The following ZNF74 variants were observed in gnomAD, a reference collection of about 807,000 sequenced individuals.
ZNF74 encodes the protein zinc finger protein 520.
Under a neutral mutation model 17.7 loss-of-function variants are expected in ZNF74, and 12 were observed. The observed-to-expected ratio is 0.68, with a 90% CI of 0.43 to 1.10. The LOEUF (loss-of-function observed/expected upper bound fraction) is 1.10, where lower values mean the gene tolerates loss of function less well. Among genes scored for constraint, ZNF74 ranks in the 50% least tolerant of loss-of-function variants. The pLI is 0.00. For synonymous variants in ZNF74, 358 were observed against 362.1 expected (o/e 0.99, Z 0.13); for missense variants, 811 against 881.0 (o/e 0.92, Z 1.01).
chr22:20,398,951 T>C (rs192819352), intron 2 of ZNF74, among the ~76,000 whole-genome samples: 8 of 152,360 alleles, frequency 5.3e-5, no homozygotes, highest in Admixed American at 1.3e-4. Context: ...ATGTGTTGTT[T>C]CATTTCCTAA....
rs960959181 is a variant in ZNF74 at position 20,406,148 on chromosome 22, G to A, written c.1115G>A (p.Arg372His). 1.2e-6 allele frequency: 2 copies of A among 1,604,548 alleles called. No individual in the cohort carries two copies. Among genetic ancestry groups the A allele is most frequent in the South Asian group, 2.2e-5 (2 of 90,706 alleles). The change falls in exon 5 of 5, where the codon CGT becomes CAT. Residue 372 changes from arginine to histidine, a missense_variant. By Grantham distance (29) the Arg-to-His change is conservative. This residue lies in a region of ZNF74 where 666 missense variants were observed against 702.3 expected (regional missense o/e 0.95). Coordinates refer to ENST00000400451, the MANE Select transcript of ZNF74 (RefSeq NM_003426.4). ...GAGTGCGGCAAGGCCTTCAACCAGC[G>A]TACACACCTCACACGCCACCACCGC... is the stretch of plus-strand genomic sequence containing the variant. ...CGECGKAFNQ[R>H]THLTRHHRIH...
chr22:20,402,334 A>G (rs951431868), intron 4 of ZNF74, among the ~76,000 whole-genome samples: 2 of 152,178 alleles, frequency 1.3e-5, no homozygotes, highest in Non-Finnish European at 2.9e-5. Flanking sequence ...TAACAAGATT[A>G]CAGGTTTCAA....
intron 2 of ZNF74, among the ~76,000 whole-genome samples, chr22:20,396,513 A>AG (rs1252598827): frequency 6.6e-6 from 1 of 152,032 alleles, no homozygotes; most frequent in Admixed American, 6.5e-5. Context: ...TACAAGCTGA[A>AG]GACTGTAGAG....
intron 4 of ZNF74, among the ~76,000 whole-genome samples, chr22:20,403,752 G>A (rs147512182): frequency 6.6e-6 from 1 of 152,152 alleles, no homozygotes; most frequent in Non-Finnish European, 1.5e-5. Context: ...CTGGACAACA[G>A]AGCGAGACTG....
chr22:20,405,579 G>A lies in ZNF74; in HGVS notation c.546G>A (p.Arg182=), dbSNP rs755644353. Residue 182 remains arginine (R), a synonymous_variant, in exon 5 of 5, where the codon AGG becomes AGA. Coordinates refer to ENST00000400451, the MANE Select transcript of ZNF74 (RefSeq NM_003426.4). ...TCCCTGTAGAGGAATTCCCCCTCAG[G>A]TGTCCCCTCTTCGCCCAGCAACGCG... ...WDVPVEEFPL[R]CPLFAQQRVP... The A allele has an allele frequency of 5.0e-6, 8 of 1,612,234 alleles. No individual in the cohort carries two copies. The highest frequency in any genetic ancestry group is 1.3e-5 in the African/African-American group (1 of 75,008).
At chr22:20,399,651 A>G (rs1365232837) in intron 2 of ZNF74, 2 of 352,864 alleles carry the variant, frequency 5.7e-6, no homozygotes, top group Non-Finnish European at 1.1e-5. Flanking sequence ...GCTCACTGCA[A>G]CCTCCACCTC....
In ZNF74 at chr22:20,401,726, G is replaced by A. The variant is rs944098747; in HGVS notation, c.343+354G>A. Among the ~76,000 whole-genome samples the A allele has an allele frequency of 2.0e-5, 3 of 152,202 alleles. No individual in the cohort carries two copies. Among genetic ancestry groups the A allele is most frequent in the Admixed American group, 1.3e-4 (2 of 15,274 alleles). ...GGGAAGGGGCAGCTGGCGTTGGTCA[G>A]TGTCAGGGTCAGCATGAGCATCAGC... On this transcript the variant is annotated intron_variant, in intron 4 of 4. Transcript: ENST00000400451. The surrounding 1 kb of genome is among the most constrained non-coding windows in gnomAD (Gnocchi z 4.2).
At position 20,406,824 on chromosome 22, in the gene ZNF74, C is replaced by G; in HGVS notation, c.1791C>G (p.Tyr597Ter). 1.2e-6 allele frequency: 2 copies of G among 1,614,068 alleles called. No homozygotes were observed. The highest frequency in any genetic ancestry group is 1.7e-6 in the Non-Finnish European group (2 of 1,180,016). ...QFNKHLLSTY[Y>*]VPGSLLGAGD... Reference sequence around the variant, plus strand: ...ACAAACACCTGCTCAGCACATACTACGTGCCTGGCAGCCTGCTGGGTGCAG... The same window carrying G: ...ACAAACACCTGCTCAGCACATACTAGGTGCCTGGCAGCCTGCTGGGTGCAG... The change falls in exon 5 of 5, where the codon TAC becomes TAG. Residue 597 changes from tyrosine (Y) to a stop codon, truncating the protein, a stop_gained. Transcript: ENST00000400451. LOFTEE classifies it low-confidence loss of function (END_TRUNC).
chr22:20,398,396 A>G (rs900602373), intron 2 of ZNF74, among the ~76,000 whole-genome samples: 1 of 151,252 alleles, frequency 6.6e-6, no homozygotes, highest in African/African-American at 2.4e-5. Flanking sequence ...AGGGGTATAC[A>G]TTTCATCCCA....
chr22:20,400,902 T>C (rs1014931599), intron 3 of ZNF74, 144 bp downstream of exon 3: 545 of 1,034,092 alleles, frequency 5.3e-4, no homozygotes, highest in Non-Finnish European at 3.0e-4. Flanking sequence ...GGGGCACTCA[T>C]GGCCAGGGGC....
rs558524515 is a variant in ZNF74 at position 20,397,662 on chromosome 22, G to A, written c.120+2244G>A. On this transcript the variant is annotated intron_variant, in intron 2 of 4. Transcript: ENST00000400451. ...CTCTGCTTTATTTCGCTTAGCATAT[G>A]CTTTTGAGTTTATCCATATTGTTGT... Among the ~76,000 whole-genome samples, 43 of 152,308 alleles carry A rather than the reference G, an allele frequency of 2.8e-4. 1 individual carries two copies. The South Asian group carries it at 8.9e-3, about 32-fold the overall frequency.
At position 20,406,883 on chromosome 22, in the gene ZNF74, A is replaced by C; in HGVS notation, c.1850A>C (p.Asp617Ala). The change falls in exon 5 of 5, where the codon GAC (aspartate) becomes GCC (alanine). Residue 617 changes from aspartate to alanine, a missense_variant. Around this residue, in one of 3 missense-constraint regions of ZNF74, gnomAD observed 115 missense variants for 119.5 expected, o/e 0.96. Transcript: ENST00000400451. ...GGACTGAGGGACGTGGATCCCATCG[A>C]CGCGCTGGATGTGGCAAAGCTCTTG... Reference protein sequence around the residue: ...DAGLRDVDPIDALDVAKLLCV... With the variant: ...DAGLRDVDPIAALDVAKLLCV... 6.2e-7 allele frequency: 1 copy of C among 1,614,018 alleles called. No individual in the cohort carries two copies. The highest frequency in any genetic ancestry group is 8.5e-7 in the Non-Finnish European group (1 of 1,180,030).
At chr22:20,396,950 G>A (rs943564437) in intron 2 of ZNF74, among the ~76,000 whole-genome samples, 4 of 152,162 alleles carry the variant, frequency 2.6e-5, no homozygotes, top group South Asian at 2.1e-4. Flanking sequence ...AGGCCTGTGC[G>A]GGCCTCAGAC....
In ZNF74 at chr22:20,394,380, GCGC is replaced by G. The variant is rs1163698214; in HGVS notation, c.-246_-244del. The G allele has an allele frequency of 5.9e-6, 4 of 675,630 alleles. No homozygotes were observed. The Admixed American group carries it at 8.6e-5, about 14-fold the overall frequency. 41.9% of individuals were successfully genotyped at this position (675,630 alleles called of 1,614,324 possible). A position where few individuals can be genotyped will look rare whatever the true frequency, so the allele number is the denominator to read the frequency against. ...GGCGGGGGTGTGCCGGGGCGTGAGT[GCGC>G]CGAGCATGGGGCTGAGCCTGGTGTG... On this transcript the variant is annotated 5_prime_UTR_variant, in exon 1 of 5. Transcript: ENST00000400451.
Position 20,406,307 on chromosome 22 carries a change from T to C in ZNF74, c.1274T>C (p.Phe425Ser). Reference protein sequence around the residue: ...PFKCSDCEKAFNSRSRLTLHQ... With the variant: ...PFKCSDCEKASNSRSRLTLHQ... ...AAGTGCAGCGACTGCGAGAAGGCCT[T>C]CAACAGCCGCTCGCGCCTCACCCTC... The change falls in exon 5 of 5, where the codon TTC (phenylalanine) becomes TCC (serine). Residue 425 changes from phenylalanine to serine, a missense_variant. By Grantham distance (155) the Phe-to-Ser change is radical. Around this residue, in one of 3 missense-constraint regions of ZNF74, gnomAD observed 666 missense variants for 702.3 expected, o/e 0.95. Transcript: ENST00000400451. 6.2e-7 allele frequency: 1 copy of C among 1,611,962 alleles called. No homozygotes were observed.
rs1049472367 is a variant in ZNF74, at chr22:20,405,927, C to T, written c.894C>T (p.His298=). ...ACCTTCTGGAGCACCGGCGCATCCA[C>T]ACCGGCGAGAAGCCCTTCTTCTGCG... is the stretch of plus-strand genomic sequence containing the variant. The part of the protein sequence containing the change: ...STNLLEHRRI[H]TGEKPFFCGE... Residue 298 remains histidine (H), a synonymous_variant, in exon 5 of 5, where the codon CAC becomes CAT. Transcript: ENST00000400451. 2 of 1,613,848 alleles carry T rather than the reference C, an allele frequency of 1.2e-6. No individual in the cohort carries two copies. The highest frequency in any genetic ancestry group is 1.6e-4 in the Middle Eastern group (1 of 6,084).
At position 20,405,785 on chromosome 22, in the gene ZNF74, G is replaced by C; in HGVS notation, c.752G>C (p.Gly251Ala). 1.9e-6 allele frequency: 3 copies of C among 1,611,016 alleles called. No homozygotes were observed. Among genetic ancestry groups the C allele is most frequent in the Non-Finnish European group, 2.5e-6 (3 of 1,179,036 alleles). ...GCCGGGGAGGGCGAGTTCGTGTGCG[G>C]CGAGTGCGGGAAGGCGTTCCGCCAG... The part of the protein sequence containing the change: ...AGAGEGEFVC[G>A]ECGKAFRQSS... The change falls in exon 5 of 5, where the codon GGC (glycine) becomes GCC (alanine). Residue 251 changes from glycine to alanine, a missense_variant. Around this residue, in one of 3 missense-constraint regions of ZNF74, gnomAD observed 666 missense variants for 702.3 expected, o/e 0.95. Transcript: ENST00000400451.
intron 2 of ZNF74, among the ~76,000 whole-genome samples, chr22:20,398,981 A>T (rs361613): frequency 0.62 from 94,317 of 152,070 alleles, 30,958 homozygotes; most frequent in East Asian, 0.88. Context: ...CATTTTCCAG[A>T]TAACTTTCTA....
chr22:20,400,601 G>C, intron 2 of ZNF74, 31 bp from the exon 3 acceptor site: 1 of 1,613,946 alleles, frequency 6.2e-7, no homozygotes, highest in Non-Finnish European at 8.5e-7. Context: ...CACAGAATCA[G>C]TCCTGGGTGA....
Sources: allele counts gnomAD v4.1 joint callset (sites outside exome capture counted in the v4.1 genomes callset), GRCh38; gene constraint gnomAD v4.1.1; regional missense constraint gnomAD v4.1.1; non-coding constraint Gnocchi (gnomAD v3.1); transcripts MANE v1.5; gene names NCBI Gene and HGNC (gene_info 2026-07-23, HGNC 2026-07-21).